MCTP2: variants seen among roughly 807,000 people sequenced by gnomAD.
The protein encoded by MCTP2 is multiple C2 and transmembrane domain-containing protein 2.
In MCTP2, 132 loss-of-function variants were observed where a neutral mutation model predicts 111.6. That is an observed-to-expected ratio of 1.18 (90% CI 1.03 to 1.37). The LOEUF is 1.37. Among genes scored for constraint, MCTP2 ranks in the 40% most tolerant of loss-of-function variants. The probability of loss-of-function intolerance (pLI) is 0.00; values close to 1 mark genes in which losing one functional copy is unlikely to be tolerated. For missense variants in MCTP2, 1,183 were observed against 1,067.9 expected (o/e 1.11, Z -1.50); for synonymous variants, 395 against 387.7 (o/e 1.02, Z -0.22).
chr15:94,385,484 C>A lies in MCTP2; in HGVS notation c.1747C>A (p.Pro583Thr). The A allele has an allele frequency of 6.2e-7, 1 of 1,613,328 alleles. No homozygotes were observed. The highest frequency in any genetic ancestry group is 8.5e-7 in the Non-Finnish European group (1 of 1,179,572). Residue 583 changes from proline to threonine, a missense_variant, in exon 14 of 23, where the codon CCC becomes ACC. Coordinates refer to ENST00000357742, the MANE Select transcript of MCTP2 (RefSeq NM_001385001.1). ...AGTGTTTGATGAAGATGGAGATAAA[C>A]CCCCAGATTTTCTTGGAAAAGTTGC... Reference protein sequence around the residue: ...VTVFDEDGDKPPDFLGKVAIP... With the variant: ...VTVFDEDGDKTPDFLGKVAIP...
intron 14 of MCTP2, among the ~76,000 whole-genome samples, chr15:94,392,503 T>C (rs1221422713): frequency 6.6e-6 from 1 of 152,026 alleles, no homozygotes; most frequent in Non-Finnish European, 1.5e-5. Context: ...ATATATATTA[T>C]GTATTCAGCA....
rs751758425 is a variant in MCTP2 at position 94,440,296 on chromosome 15, C to T, written c.2206C>T (p.Gln736Ter). Residue 736 changes from glutamine to a stop codon, truncating the protein, a stop_gained and splice_region_variant, in exon 18 of 23, where the codon CAG becomes TAG. Transcript: ENST00000357742. LOFTEE classifies it high-confidence loss of function. ...CAAGGTCAGCAGCATCCAGGACAGCCAGGTAAGCAAGGATTCGGAGTTCTG... is the reference window on the plus strand; with the variant it reads ...CAAGGTCAGCAGCATCCAGGACAGCTAGGTAAGCAAGGATTCGGAGTTCTG... ...KGKVSSIQDS[Q>*]ESTDIDDEED... 1.2e-6 allele frequency: 2 copies of T among 1,613,702 alleles called. No homozygotes were observed. Among genetic ancestry groups the T allele is most frequent in the East Asian group, 4.5e-5 (2 of 44,868 alleles).
intron 19 of MCTP2, among the ~76,000 whole-genome samples, chr15:94,450,529 C>A (rs2084379990): frequency 1.3e-5 from 2 of 152,136 alleles, no homozygotes; most frequent in African/African-American, 4.8e-5. Context: ...AGCTTTTTTT[C>A]ATGCTAAATG....
chr15:94,454,125 G>A (rs1027309907), intron 19 of MCTP2, among the ~76,000 whole-genome samples: 14 of 152,054 alleles, frequency 9.2e-5, no homozygotes, highest in South Asian at 2.1e-4. Flanking sequence ...CCTAATATAT[G>A]AAAACAAAGC....
At chr15:94,382,691 G>C (rs2080213054) in intron 12 of MCTP2, among the ~76,000 whole-genome samples, 1 of 152,252 alleles carries the variant, frequency 6.6e-6, no homozygotes, top group African/African-American at 2.4e-5. Flanking sequence ...AGGCCAGCAG[G>C]TCAAGAGGCC....
chr15:94,321,479 CAATA>C (rs2152376896), intron 4 of MCTP2, among the ~76,000 whole-genome samples: 1 of 152,174 alleles, frequency 6.6e-6, no homozygotes, highest in African/African-American at 2.4e-5. Context: ...AGAAAATAGG[CAATA>C]GATATGTTGT....
At chr15:94,383,595 A>C (rs2080277988) in intron 12 of MCTP2, among the ~76,000 whole-genome samples, 1 of 152,212 alleles carries the variant, frequency 6.6e-6, no homozygotes, top group Non-Finnish European at 1.5e-5. Flanking sequence ...GCATCAGGCA[A>C]AAGAGAATGA....
At chr15:94,337,926 T>A (rs1222092652) in intron 4 of MCTP2, among the ~76,000 whole-genome samples, 1 of 152,206 alleles carries the variant, frequency 6.6e-6, no homozygotes, top group East Asian at 1.9e-4. Context: ...TTCGTAGTGA[T>A]GTTAATGTCA....
chr15:94,473,091 A>G (rs772184482), intron 21 of MCTP2, among the ~76,000 whole-genome samples: 14 of 152,046 alleles, frequency 9.2e-5, no homozygotes, highest in Non-Finnish European at 1.5e-4. Flanking sequence ...ATGTAACTAT[A>G]TATACTAGAT....
chr15:94,270,234 C>G (rs1416634435), intron 1 of MCTP2, among the ~76,000 whole-genome samples: 1 of 152,164 alleles, frequency 6.6e-6, no homozygotes, highest in African/African-American at 2.4e-5. Flanking sequence ...GAAGTACCCC[C>G]TGTTGAGCAA....
At chr15:94,271,818 G>T (rs1458806110) in intron 1 of MCTP2, among the ~76,000 whole-genome samples, 1 of 152,092 alleles carries the variant, frequency 6.6e-6, no homozygotes, top group Non-Finnish European at 1.5e-5. Context: ...ACCAGAAATG[G>T]CTTTGGAACA....
chr15:94,318,692 A>G (rs796967213), intron 4 of MCTP2, among the ~76,000 whole-genome samples: 11 of 152,260 alleles, frequency 7.2e-5, no homozygotes, highest in African/African-American at 2.6e-4. Context: ...GTCAGGCAAT[A>G]CTATACTTCT....
rs1195361700 is a variant in MCTP2 at position 94,315,610 on chromosome 15, C to G, written c.610C>G (p.Arg204Gly). 2 of 1,613,894 alleles carry G rather than the reference C, an allele frequency of 1.2e-6. No homozygotes were observed. Among genetic ancestry groups the G allele is most frequent in the Non-Finnish European group, 8.5e-7 (1 of 1,179,984 alleles). Residue 204 changes from arginine (R) to glycine (G), a missense_variant, in exon 4 of 23, where the codon CGG becomes GGG. Physicochemically the swap from Arg to Gly is moderately radical, Grantham distance 125. Transcript: ENST00000357742. The part of the protein sequence containing the change: ...YLLTIHLKEG[R>G]NLVVRDRCGT... ...CCTCACCATACACCTGAAGGAAGGC[C>G]GGAACCTGGTTGTCCGAGATCGCTG... is the stretch of plus-strand genomic sequence containing the variant.
Position 94,367,792 on chromosome 15 carries a change from G to T in MCTP2, c.1488+1G>T, listed in dbSNP as rs140648009. 1.0e-5 allele frequency: 16 copies of T among 1,596,370 alleles called. No homozygotes were observed. Among genetic ancestry groups the T allele is most frequent in the Non-Finnish European group, 1.4e-5 (16 of 1,173,156 alleles). On this transcript the variant is annotated splice_donor_variant, in intron 11 of 22. Coordinates refer to ENST00000357742, the MANE Select transcript of MCTP2 (RefSeq NM_001385001.1). LOFTEE classifies it high-confidence loss of function. Reference sequence around the variant, plus strand: ...AAGAAAGCAGATTACCCAGCGATATGTGAGTGTTTTTCCTTATTGTACACT... The same window carrying T: ...AAGAAAGCAGATTACCCAGCGATATTTGAGTGTTTTTCCTTATTGTACACT...
At chr15:94,325,532 T>A (rs1044031895) in intron 4 of MCTP2, among the ~76,000 whole-genome samples, 20 of 152,094 alleles carry the variant, frequency 1.3e-4, no homozygotes, top group African/African-American at 4.8e-4. Flanking sequence ...AGATAAAAGT[T>A]CCTCCCCCTG....
intron 19 of MCTP2, among the ~76,000 whole-genome samples, chr15:94,453,520 T>C (rs2084601891): frequency 6.6e-6 from 1 of 152,160 alleles, no homozygotes; most frequent in South Asian, 2.1e-4. Flanking sequence ...GTAAGGGAGA[T>C]GAGAAATGAT....
intron 1 of MCTP2, among the ~76,000 whole-genome samples, chr15:94,245,554 A>G (rs544862323): frequency 2.1e-5 from 3 of 143,370 alleles, no homozygotes; most frequent in East Asian, 4.0e-4. Flanking sequence ...ATATTTATAT[A>G]TGTATACATA....
At chr15:94,437,730 G>T (rs57019339) in intron 17 of MCTP2, among the ~76,000 whole-genome samples, 21,718 of 151,962 alleles carry the variant, frequency 0.14, 1,623 homozygotes, top group East Asian at 0.26. Flanking sequence ...GTATGGTTAC[G>T]AAATTATAGT....
intron 10 of MCTP2, 56 bp from the exon 11 acceptor site, chr15:94,367,549 T>G (rs2079256597): frequency 7.2e-7 from 1 of 1,386,180 alleles, no homozygotes; most frequent in Middle Eastern, 2.0e-4. Flanking sequence ...TTGGAGGTAC[T>G]GCAGTGGCCT....
Sources: gnomAD v4.1 joint callset for allele counts (sites outside exome capture counted in the v4.1 genomes callset) on GRCh38, gnomAD v4.1.1 for gene constraint, MANE v1.5 for transcripts, NCBI Gene and HGNC (gene_info 2026-07-23, HGNC 2026-07-21) for gene names.